The following LMX1B variants were observed in gnomAD, a reference collection of about 807,000 sequenced individuals.
LMX1B encodes LIM homeobox transcription factor 1-beta.
In LMX1B, 12 loss-of-function variants were observed where a neutral mutation model predicts 51.4. That is an observed-to-expected ratio of 0.23 (90% CI 0.15 to 0.38). The LOEUF (loss-of-function observed/expected upper bound fraction) is 0.38. Ranked by LOEUF, LMX1B falls within the 10% of genes least tolerant of loss-of-function variation. The pLI, the probability that LMX1B is intolerant of heterozygous loss-of-function variation, is 1.00. For missense variants in LMX1B, 445 were observed against 571.1 expected, an observed-to-expected ratio of 0.78 and a Z score of 2.25; for synonymous variants, 237 against 235.4, an observed-to-expected ratio of 1.01 and a Z score of -0.06.
In LMX1B at chr9:126,695,881, C is replaced by G; in HGVS notation, c.929C>G (p.Thr310Arg). ...SRMEGMMASY[T>R]PLAPPQQQIV... is the part of the protein sequence containing the mutation. ...ATGGAGGGCATGATGGCTTCCTACA[C>G]GCCGCTGGCCCCACCACAGCAGCAG... The change falls in exon 7 of 8, where the codon ACG becomes AGG. Residue 310 changes from threonine (T) to arginine (R), a missense_variant. Physicochemically the swap from Thr to Arg is moderately conservative, Grantham distance 71. Coordinates refer to ENST00000373474, the MANE Select transcript of LMX1B (RefSeq NM_001174147.2). This position sits in a 1 kb window ranked among gnomAD's most constrained non-coding sequence, Gnocchi z 5.2. The G allele has an allele frequency of 6.2e-7, 1 of 1,613,262 alleles. No individual in the cohort carries two copies. Among genetic ancestry groups the G allele is most frequent in the Non-Finnish European group, 8.5e-7 (1 of 1,179,780 alleles).
At chr9:126,691,686 C>G (rs935878271) in intron 3 of LMX1B, among the ~76,000 whole-genome samples, 1 of 152,212 alleles carries the variant, frequency 6.6e-6, no homozygotes, top group Middle Eastern at 3.2e-3. Context: ...TCACCAGCAC[C>G]CAGTCCACAG....
intron 4 of LMX1B, 81 bp downstream of exon 4, chr9:126,693,404 TG>T (rs759849186): frequency 1.2e-5 from 18 of 1,513,448 alleles, no homozygotes; most frequent in Non-Finnish European, 1.6e-5. Context: ...CTGCTCCTGC[TG>T]GGGGTAGGGA....
chr9:126,674,486 T>C (rs1362709468), intron 2 of LMX1B, among the ~76,000 whole-genome samples: 1 of 152,202 alleles, frequency 6.6e-6, no homozygotes, highest in Non-Finnish European at 1.5e-5. Flanking sequence ...AAGCTCCATC[T>C]GTCTCCTCTT....
chr9:126,614,488 C>T lies in LMX1B; in HGVS notation c.39C>T (p.Cys13=), dbSNP rs1386680109. Residue 13 remains cysteine, a synonymous_variant, in exon 1 of 8, where the codon TGC becomes TGT. Transcript: ENST00000373474. ...CAGGTCCCGAGTCGCTGGAGAGGTG[C>T]TTCCCTCGCGGGCAGACGGACTGCG... The part of the protein sequence containing the change: ...IATGPESLER[C]FPRGQTDCAK... The T allele has an allele frequency of 6.2e-7, 1 of 1,601,674 alleles. No homozygotes were observed. Among genetic ancestry groups the T allele is most frequent in the Non-Finnish European group, 8.5e-7 (1 of 1,174,952 alleles).
At chr9:126,637,674 A>C (rs756526041) in intron 2 of LMX1B, among the ~76,000 whole-genome samples, 23 of 152,110 alleles carry the variant, frequency 1.5e-4, no homozygotes, top group Admixed American at 3.9e-4. Flanking sequence ...GCAGAGCAGC[A>C]GATGGCCAAT....
At chr9:126,693,939 G>A (rs1374056988) in intron 6 of LMX1B, 127 bp downstream of exon 6, 2 of 613,120 alleles carry the variant, frequency 3.3e-6, no homozygotes, top group Non-Finnish European at 5.8e-6. Flanking sequence ...CTGGGACCGG[G>A]GCTGCACCTG....
At position 126,613,949 on chromosome 9, in the gene LMX1B, G is replaced by A. The variant is rs917019795; in HGVS notation, c.-501G>A. ...CGCCAGCCCCAGCTCTAAACCCGGC[G>A]GCTCAGCGGGCGCACCATGGCACTG... is the stretch of plus-strand genomic sequence containing the variant. On this transcript the variant is annotated 5_prime_UTR_variant, in exon 1 of 8. Coordinates refer to ENST00000373474, the MANE Select transcript of LMX1B (RefSeq NM_001174147.2). This position sits in a 1 kb window ranked among gnomAD's most constrained non-coding sequence, Gnocchi z 4.5. 4.8e-5 allele frequency among the ~76,000 whole-genome samples: 7 copies of A among 146,266 alleles called. No individual in the cohort carries two copies. The highest frequency in any genetic ancestry group is 1.7e-4 in the African/African-American group (7 of 40,774).
intron 2 of LMX1B, among the ~76,000 whole-genome samples, chr9:126,667,675 C>T (rs1474443680): frequency 2.0e-5 from 3 of 152,132 alleles, no homozygotes; most frequent in Non-Finnish European, 1.5e-5. Context: ...GAACAAAAAC[C>T]CTGAGAGTCC....
rs1196097351 is a variant in LMX1B, at chr9:126,696,382, C to T, written c.1140C>T (p.Ser380=). 2.5e-6 allele frequency: 4 copies of T among 1,614,118 alleles called. No individual in the cohort carries two copies. The highest frequency in any genetic ancestry group is 2.2e-5 in the East Asian group (1 of 44,876). Residue 380 remains serine, a synonymous_variant, in exon 8 of 8, where the codon TCC becomes TCT. Coordinates refer to ENST00000373474, the MANE Select transcript of LMX1B (RefSeq NM_001174147.2). The part of the protein sequence containing the change: ...DCFLGSSDVG[S]LQARVGNPID... ...TCCTCGGCTCCTCAGACGTGGGCTC[C>T]CTGCAGGCCCGCGTGGGGAACCCCA...
chr9:126,668,691 T>G (rs1836391650), intron 2 of LMX1B, among the ~76,000 whole-genome samples: 1 of 152,078 alleles, frequency 6.6e-6, no homozygotes, highest in Non-Finnish European at 1.5e-5. Context: ...TGACCTCAGG[T>G]GATCCACCCA....
chr9:126,660,024 T>TA (rs1836202951), intron 2 of LMX1B, among the ~76,000 whole-genome samples: 1 of 148,060 alleles, frequency 6.8e-6, no homozygotes, highest in Admixed American at 6.6e-5. Flanking sequence ...TTGTCCTGTG[T>TA]GGGGGTGTCT....
At chr9:126,649,170 C>A (rs1456714172) in intron 2 of LMX1B, among the ~76,000 whole-genome samples, 2 of 152,082 alleles carry the variant, frequency 1.3e-5, no homozygotes, top group East Asian at 3.8e-4. Context: ...GTCCCCTTCA[C>A]CTCCCCTATC....
intron 2 of LMX1B, among the ~76,000 whole-genome samples, chr9:126,654,284 C>G (rs963679974): frequency 6.6e-6 from 1 of 152,238 alleles, no homozygotes; most frequent in Non-Finnish European, 1.5e-5. Context: ...GTTGCTGCCC[C>G]CTGGCTGGGC....
chr9:126,693,740 C>A lies in LMX1B; in HGVS notation c.820-6C>A. The stretch of plus-strand genomic sequence containing the variant: ...AGCACCGGCCTGAACTGCGCTCTCC[C>A]TGCAGATGAAGAAGCTGGCGCGGCG... On this transcript the variant is annotated splice_region_variant and splice_polypyrimidine_tract_variant and intron_variant, in intron 5 of 7. Transcript: ENST00000373474. The A allele has an allele frequency of 6.4e-7, 1 of 1,562,052 alleles. No individual in the cohort carries two copies. The highest frequency in any genetic ancestry group is 2.4e-5 in the East Asian group (1 of 42,552).
chr9:126,637,998 C>G (rs924812611), intron 2 of LMX1B, among the ~76,000 whole-genome samples: 1 of 152,104 alleles, frequency 6.6e-6, no homozygotes, highest in South Asian at 2.1e-4. Flanking sequence ...CCACTCCTCC[C>G]GCTCCGCAGC....
chr9:126,627,183 A>AC lies in LMX1B; in HGVS notation c.326+11620dup, dbSNP rs140720724. Among the ~76,000 whole-genome samples, 727 of 150,330 alleles carry AC rather than the reference A, an allele frequency of 4.8e-3. 38 individuals are homozygous for AC. The East Asian group carries it at 0.12, about 24-fold the overall frequency. On this transcript the variant is annotated intron_variant, in intron 2 of 7. Transcript: ENST00000373474. ...TGAGTAGGGACCAGCAGGAAGAGAG[A>AC]CCCCCCGGTCTCCTCCCCGTGGCCG...
chr9:126,687,950 T>G (rs999366427), intron 2 of LMX1B, among the ~76,000 whole-genome samples: 1 of 152,184 alleles, frequency 6.6e-6, no homozygotes, highest in Non-Finnish European at 1.5e-5. Flanking sequence ...ACGCCATTAG[T>G]CGCTCTCACC....
rs1325238124 is a variant in LMX1B at position 126,658,381 on chromosome 9, C to A, written c.327-32455C>A. On this transcript the variant is annotated intron_variant, in intron 2 of 7. Coordinates refer to ENST00000373474, the MANE Select transcript of LMX1B (RefSeq NM_001174147.2). The surrounding 1 kb of genome is among the most constrained non-coding windows in gnomAD (Gnocchi z 4.0). Reference sequence around the variant, plus strand: ...AGCCTCAAATTCGGCTGGCCCTCCCCCTGGCTGCCGGGCCCGGGCACCCCT... The same window carrying A: ...AGCCTCAAATTCGGCTGGCCCTCCCACTGGCTGCCGGGCCCGGGCACCCCT... Among the ~76,000 whole-genome samples, 6 of 150,106 alleles carry A rather than the reference C, an allele frequency of 4.0e-5. No homozygotes were observed. In the Admixed American group the frequency reaches 4.0e-4, roughly 10 times the overall value.
chr9:126,699,474 AAAGCCAG>A lies in LMX1B; in HGVS notation c.*3027_*3033del, dbSNP rs1382910697. On this transcript the variant is annotated 3_prime_UTR_variant, in exon 8 of 8. Coordinates refer to ENST00000373474, the MANE Select transcript of LMX1B (RefSeq NM_001174147.2). ...GCATGCTTGTGACCCACAGACTGTT[AAAGCCAG>A]AAGGGACCTCAGAGAGTCCCTTATG... The A allele has an allele frequency of 1.3e-5, 2 of 152,194 alleles. No homozygotes were observed. Among genetic ancestry groups the A allele is most frequent in the African/African-American group, 4.8e-5 (2 of 41,448 alleles). The allele number at this position is 152,194 out of a possible 1,614,324, so 9.4% of individuals were successfully genotyped here.
Sources: allele counts gnomAD v4.1 joint callset (sites outside exome capture counted in the v4.1 genomes callset), GRCh38; gene constraint gnomAD v4.1.1; non-coding constraint Gnocchi (gnomAD v3.1); transcripts MANE v1.5; gene names NCBI Gene and HGNC (gene_info 2026-07-23, HGNC 2026-07-21).